The following KCNAB1 variants were observed in gnomAD, a reference collection of about 807,000 sequenced individuals.
KCNAB1 encodes potassium voltage-gated channel subfamily A regulatory beta subunit 1, also known as voltage-gated potassium channel subunit beta-1.
A neutral mutation model predicts 64.6 loss-of-function variants in KCNAB1; 35 were observed. The observed-to-expected ratio is 0.54, with a 90% CI of 0.41 to 0.72. KCNAB1 has a LOEUF of 0.72. Ranked by LOEUF, KCNAB1 falls within the 30% of genes least tolerant of loss-of-function variation. The probability of loss-of-function intolerance (pLI) is 0.00; values close to 1 mark genes in which losing one functional copy is unlikely to be tolerated. For synonymous variants in KCNAB1, 177 were observed against 183.8 expected, an observed-to-expected ratio of 0.96 and a Z score of 0.30; for missense variants, 401 against 512.9, an observed-to-expected ratio of 0.78 and a Z score of 2.11.
chr3:156,438,024 C>G (rs1455070332), intron 2 of KCNAB1, among the ~76,000 whole-genome samples: 1 of 152,212 alleles, frequency 6.6e-6, no homozygotes, highest in African/African-American at 2.4e-5. Flanking sequence ...ATACCTGTGC[C>G]TGGGCCTTTC....
chr3:156,377,697 T>C (rs887469812), intron 1 of KCNAB1, among the ~76,000 whole-genome samples: 4 of 151,402 alleles, frequency 2.6e-5, no homozygotes, highest in Non-Finnish European at 5.9e-5. Flanking sequence ...ATGCAGGAGG[T>C]AAATACCTGC....
intron 1 of KCNAB1, among the ~76,000 whole-genome samples, chr3:156,253,074 T>C (rs973475075): frequency 2.6e-5 from 4 of 152,176 alleles, no homozygotes; most frequent in Non-Finnish European, 5.9e-5. Flanking sequence ...CATGGAGCAG[T>C]AATATTTGGC....
intron 1 of KCNAB1, among the ~76,000 whole-genome samples, chr3:156,345,121 T>C (rs1263774861): frequency 2.0e-5 from 3 of 152,230 alleles, no homozygotes; most frequent in Non-Finnish European, 4.4e-5. Flanking sequence ...GGCTTCGTAA[T>C]TTCCCTTTTC....
chr3:156,480,523 T>A (rs1458533388), intron 8 of KCNAB1, among the ~76,000 whole-genome samples: 1 of 150,226 alleles, frequency 6.7e-6, no homozygotes, highest in African/African-American at 2.5e-5. Context: ...CCTGCACATG[T>A]ATTTCTGAAC....
intron 1 of KCNAB1, chr3:156,292,220 A>C: frequency 7.2e-7 from 1 of 1,388,162 alleles, no homozygotes; most frequent in East Asian, 2.4e-5. Flanking sequence ...TGATTTACTC[A>C]TCAGTGGGTT....
intron 1 of KCNAB1, chr3:156,143,251 G>A (rs1577632369): frequency 1.2e-6 from 2 of 1,613,858 alleles, no homozygotes; most frequent in Non-Finnish European, 1.7e-6. Flanking sequence ...CAGTGAATCG[G>A]CTCTAAAATG....
intron 8 of KCNAB1, among the ~76,000 whole-genome samples, chr3:156,492,489 C>T (rs546025050): frequency 3.3e-5 from 5 of 152,142 alleles, no homozygotes; most frequent in South Asian, 4.2e-4. Context: ...ACCATATATA[C>T]AGAGAAGTAC....
rs957052072 is a variant in KCNAB1, at chr3:156,214,698, G to A, written c.275+93812G>A. 2.6e-5 allele frequency among the ~76,000 whole-genome samples: 4 copies of A among 152,172 alleles called. No individual in the cohort carries two copies. In the South Asian group the frequency reaches 6.2e-4, roughly 24 times the overall value. On this transcript the variant is annotated intron_variant, in intron 1 of 13. Transcript: ENST00000490337. ...GAAAGGATCAGGAAACCACCCGACC[G>A]TATTCTTGAATGGTAACAGAATGAA...
chr3:156,208,297 C>T (rs2108389955), intron 1 of KCNAB1, among the ~76,000 whole-genome samples: 1 of 152,274 alleles, frequency 6.6e-6, no homozygotes, highest in South Asian at 2.1e-4. Context: ...TAACTTCTCT[C>T]CCAATGTCTA....
intron 8 of KCNAB1, among the ~76,000 whole-genome samples, chr3:156,509,552 A>C (rs1229904817): frequency 6.6e-6 from 1 of 152,218 alleles, no homozygotes; most frequent in Non-Finnish European, 1.5e-5. Context: ...CTAATATAAT[A>C]GAATTTCAGT....
chr3:156,465,942 C>G (rs1384125341), intron 7 of KCNAB1, among the ~76,000 whole-genome samples: 1 of 152,132 alleles, frequency 6.6e-6, no homozygotes, highest in Non-Finnish European at 1.5e-5. Flanking sequence ...ATAAAACATT[C>G]TCATAAGACT....
rs1015780999 is a variant in KCNAB1 at position 156,201,769 on chromosome 3, C to T, written c.275+80883C>T. On this transcript the variant is annotated intron_variant, in intron 1 of 13. Transcript: ENST00000490337. ...GATCCATACACACATGAGAGGTGGC[C>T]GTTGGTGAGTGCAGGTATGTAAAGT... 6.6e-5 allele frequency among the ~76,000 whole-genome samples: 10 copies of T among 152,098 alleles called. No individual in the cohort carries two copies. In the East Asian group the frequency reaches 9.6e-4, roughly 15 times the overall value.
At chr3:156,282,023 G>A (rs1719759613) in intron 1 of KCNAB1, among the ~76,000 whole-genome samples, 1 of 151,122 alleles carries the variant, frequency 6.6e-6, no homozygotes, top group South Asian at 2.1e-4. Flanking sequence ...GAATGTGTTT[G>A]CTCTTGCTTT....
At chr3:156,520,437 C>G (rs986228151) in intron 11 of KCNAB1, among the ~76,000 whole-genome samples, 4 of 152,026 alleles carry the variant, frequency 2.6e-5, no homozygotes, top group Admixed American at 2.0e-4. Flanking sequence ...AAAAATTAGC[C>G]AGGTATCATG....
chr3:156,385,836 T>C (rs1663691182), intron 1 of KCNAB1, among the ~76,000 whole-genome samples: 1 of 152,238 alleles, frequency 6.6e-6, no homozygotes, highest in Non-Finnish European at 1.5e-5. Flanking sequence ...TTTTGTGTAT[T>C]TGTTGTATTC....
Position 156,443,396 on chromosome 3 carries a change from G to C in KCNAB1, c.320-9503G>C, listed in dbSNP as rs1205989658. On this transcript the variant is annotated intron_variant, in intron 2 of 13. Transcript: ENST00000490337. ...ACCATTTGGCTGGAATAGAGCATAG[G>C]GGCTGTGGGGAGGTAAAGGAGCATC... is the stretch of plus-strand genomic sequence containing the variant. Among the ~76,000 whole-genome samples, 22 of 152,110 alleles carry C rather than the reference G, an allele frequency of 1.4e-4. 2 individuals are homozygous for C. Among genetic ancestry groups the C allele is most frequent in the Admixed American group, 1.4e-3 (22 of 15,274 alleles).
At chr3:156,337,888 G>A (rs143956590) in intron 1 of KCNAB1, among the ~76,000 whole-genome samples, 91 of 152,262 alleles carry the variant, frequency 6.0e-4, no homozygotes, top group African/African-American at 2.0e-3. Context: ...TCTTTATGCC[G>A]TGTCACATTC....
At chr3:156,437,379 C>T (rs2108253975) in intron 2 of KCNAB1, among the ~76,000 whole-genome samples, 1 of 152,234 alleles carries the variant, frequency 6.6e-6, no homozygotes, top group Non-Finnish European at 1.5e-5. Flanking sequence ...AGTGGAAAAT[C>T]AAGAGTCATC....
chr3:156,301,586 A>G (rs946381261), intron 1 of KCNAB1, among the ~76,000 whole-genome samples: 2 of 152,356 alleles, frequency 1.3e-5, no homozygotes, highest in Admixed American at 1.3e-4. Flanking sequence ...GAGTTGGGAA[A>G]TCCATGGTCT....
Sources: allele counts gnomAD v4.1 joint callset (sites outside exome capture counted in the v4.1 genomes callset), GRCh38; gene constraint gnomAD v4.1.1; transcripts MANE v1.5; gene names NCBI Gene and HGNC (gene_info 2026-07-23, HGNC 2026-07-21).